The following NLRP10 variants were observed in gnomAD, a reference collection of about 807,000 sequenced individuals.
NLRP10 encodes the protein NLR family pyrin domain containing 10.
NLRP10 carries 7 observed loss-of-function variants against 8.2 expected under a neutral mutation model. That is an observed-to-expected ratio of 0.85 (90% confidence interval 0.48 to 1.60). NLRP10 has a LOEUF of 1.60. Ranked by LOEUF, NLRP10 falls within the 40% of genes most tolerant of loss-of-function variation. NLRP10 has a pLI of 0.00. For missense variants in NLRP10, 814 were observed against 776.3 expected (o/e 1.05, Z -0.58); for synonymous variants, 338 against 314.0 (o/e 1.08, Z -0.81).
At chr11:7,963,826 C>T (rs1250195713) in intron 1 of NLRP10, among the ~76,000 whole-genome samples, 1 of 151,232 alleles carries the variant, frequency 6.6e-6, no homozygotes, top group African/African-American at 2.4e-5. Flanking sequence ...CTCTCTCTCT[C>T]CCCCCACTCC....
rs750419693 is a variant in NLRP10, at chr11:7,960,013, G to GT, written c.1598_1599insA (p.Phe533LeufsTer17). The GT allele has an allele frequency of 1.2e-6, 2 of 1,614,108 alleles. No individual in the cohort carries two copies. Among genetic ancestry groups the GT allele is most frequent in the Non-Finnish European group, 1.7e-6 (2 of 1,179,978 alleles). The stretch of plus-strand genomic sequence containing the variant: ...CTAAACAGGGAGAAATTCTGAAGCA[G>GT]AACTTGAGCTCCAAGTTCGAGAAGC... On this transcript the variant is annotated frameshift_variant, in exon 3 of 3. Transcript: ENST00000691676. LOFTEE classifies it low-confidence loss of function (END_TRUNC).
chr11:7,964,661 A>T (rs1941791302), intron 1 of NLRP10, among the ~76,000 whole-genome samples: 1 of 152,246 alleles, frequency 6.6e-6, no homozygotes, highest in South Asian at 2.1e-4. Flanking sequence ...AAAAACTCAA[A>T]AGATAAAGAA....
At position 7,963,482 on chromosome 11, in the gene NLRP10, T is replaced by TTGGCCA; in HGVS notation, c.8_13dup (p.Met3_Ala4dup). ...CAATGCCTCCCGGGGCTTTCTGGCC[T>TTGGCCA]TGGCCATGGCCATGGTGATCTGGGG... On this transcript the variant is annotated inframe_insertion, in exon 2 of 3. Transcript: ENST00000691676. The TTGGCCA allele has an allele frequency of 6.2e-7, 1 of 1,612,194 alleles. No homozygotes were observed. The highest frequency in any genetic ancestry group is 2.2e-5 in the East Asian group (1 of 44,846).
Position 7,960,213 on chromosome 11 carries a change from T to C in NLRP10, c.1399A>G (p.Ile467Val). Residue 467 changes from isoleucine to valine, a missense_variant, in exon 3 of 3, where the codon ATC (isoleucine) becomes GTC (valine). Physicochemically the swap from Ile to Val is conservative, Grantham distance 29. Transcript: ENST00000691676. ...AIKKFYSFRH[I>V]SFQDFFHAMS... Reference sequence around the variant, plus strand: ...GCATGAAAAAAGTCCTGGAAGCTGATGTGGCGGAAGCTGTAGAACTTCTTG... The same window carrying C: ...GCATGAAAAAAGTCCTGGAAGCTGACGTGGCGGAAGCTGTAGAACTTCTTG... 1 of 1,614,184 alleles carries C rather than the reference T, an allele frequency of 6.2e-7. No homozygotes were observed. Among genetic ancestry groups the C allele is most frequent in the Non-Finnish European group, 8.5e-7 (1 of 1,180,036 alleles).
At position 7,961,051 on chromosome 11, in the gene NLRP10, C is replaced by G. The variant is rs1941716012; in HGVS notation, c.561G>C (p.Val187=). The part of the protein sequence containing the change: ...TGKTTLARKM[V]LDWATGTLYP... ...ACAGAGTACCGGTGGCCCAGTCCAA[C>G]ACCATTTTTCTGGCGAGAGTTGTCT... Residue 187 remains valine (V), a synonymous_variant, in exon 3 of 3, where the codon GTG becomes GTC. Coordinates refer to ENST00000691676, the MANE Select transcript of NLRP10 (RefSeq NM_001391958.1). 6.2e-7 allele frequency: 1 copy of G among 1,614,216 alleles called. No homozygotes were observed. Among genetic ancestry groups the G allele is most frequent in the Non-Finnish European group, 8.5e-7 (1 of 1,180,038 alleles).
rs370557503 is a variant in NLRP10, at chr11:7,960,384, G to A, written c.1228C>T (p.Leu410=). 3 of 1,614,096 alleles carry A rather than the reference G, an allele frequency of 1.9e-6. No homozygotes were observed. The highest frequency in any genetic ancestry group is 2.5e-6 in the Non-Finnish European group (3 of 1,180,028). Residue 410 remains leucine (L), a synonymous_variant, in exon 3 of 3, where the codon CTG becomes TTG. Coordinates refer to ENST00000691676, the MANE Select transcript of NLRP10 (RefSeq NM_001391958.1). The part of the protein sequence containing the change: ...GCSELSRHRV[L]RSLCSLAAEG... ...GCTGCTAGGGAGCACAGACTCCTCA[G>A]GACCCTGTGCCGGGAAAGCTCGGAG...
Position 7,960,855 on chromosome 11 carries a change from C to A in NLRP10, c.757G>T (p.Glu253Ter), listed in dbSNP as rs758587798. Reference sequence around the variant, plus strand: ...TTTTCTTCAAAGGGCCTCTGCAGCTCATCAAAGCCATCCAGGATGAACAGG... The same window carrying A: ...TTTTCTTCAAAGGGCCTCTGCAGCTAATCAAAGCCATCCAGGATGAACAGG... Reference protein sequence around the residue: ...RLLFILDGFDELQRPFEEKLK... With the variant: ...RLLFILDGFD Residue 253 changes from glutamate (E) to a stop codon, truncating the protein, a stop_gained, in exon 3 of 3, where the codon GAG becomes TAG. Transcript: ENST00000691676. LOFTEE classifies it low-confidence loss of function (END_TRUNC). The A allele has an allele frequency of 3.7e-6, 6 of 1,613,966 alleles. No individual in the cohort carries two copies. In the South Asian group the frequency reaches 6.6e-5, roughly 18 times the overall value.
rs1237876020 is a variant in NLRP10, at chr11:7,960,000, A to G, written c.1612T>C (p.Ser538Pro). Reference protein sequence around the residue: ...NLELKFCFRISPCLAQDLKHF... With the variant: ...NLELKFCFRIPPCLAQDLKHF... ...TTCAGATCCTGCGCTAAACAGGGAG[A>G]AATTCTGAAGCAGAACTTGAGCTCC... Residue 538 changes from serine to proline, a missense_variant, in exon 3 of 3, where the codon TCT becomes CCT. Ser to Pro is a moderately conservative substitution (Grantham distance 74). Transcript: ENST00000691676. 1 of 1,613,974 alleles carries G rather than the reference A, an allele frequency of 6.2e-7. No homozygotes were observed. The highest frequency in any genetic ancestry group is 1.3e-5 in the African/African-American group (1 of 74,912).
At position 7,957,895 on chromosome 11, in the gene NLRP10, C is replaced by T. The variant is rs1295978383; in HGVS notation, c.*1749G>A. Among the ~76,000 whole-genome samples, 2 of 152,158 alleles carry T rather than the reference C, an allele frequency of 1.3e-5. No homozygotes were observed. The highest frequency in any genetic ancestry group is 2.9e-5 in the Non-Finnish European group (2 of 68,038). The stretch of plus-strand genomic sequence containing the variant: ...ATCTCTCCCTGACTCTCCTTGAACC[C>T]CTGACAACCACTGATTTTTAATTGT... On this transcript the variant is annotated 3_prime_UTR_variant, in exon 3 of 3. Coordinates refer to ENST00000691676, the MANE Select transcript of NLRP10 (RefSeq NM_001391958.1).
intron 1 of NLRP10, among the ~76,000 whole-genome samples, chr11:7,964,152 C>T (rs1230016067): frequency 6.6e-6 from 1 of 152,158 alleles, no homozygotes; most frequent in African/African-American, 2.4e-5. Context: ...GATCTCCTGA[C>T]CTCAGGTGAT....
At position 7,965,360 on chromosome 11, in the gene NLRP10, C is replaced by T. The variant is rs912426203; in HGVS notation, c.-160G>A. On this transcript the variant is annotated 5_prime_UTR_variant, in exon 1 of 3. Transcript: ENST00000691676. ...ACGAAACAGATCCCCTTTCCTGGTC[C>T]GACAGCTCTACAGGTCCAAGTTTGG... The T allele has an allele frequency of 3.3e-5, 5 of 152,134 alleles. No homozygotes were observed. Among genetic ancestry groups the T allele is most frequent in the African/African-American group, 7.2e-5 (3 of 41,416 alleles). The allele number at this position is 152,134 out of a possible 1,614,324, so 9.4% of individuals were successfully genotyped here.
Position 7,961,156 on chromosome 11 carries a change from CA to C in NLRP10, c.455del (p.Val152GlyfsTer17). On this transcript the variant is annotated frameshift_variant, in exon 3 of 3. Transcript: ENST00000691676. LOFTEE classifies it low-confidence loss of function (END_TRUNC). ...FPEQELESVT[V>X]EALFDSGEKP... ...TTTCCCCTGAATCAAATAGAGCCTC[CA>C]CCGTGACAGACTCCAGCTCCTGCTC... 1 of 1,614,052 alleles carries C rather than the reference CA, an allele frequency of 6.2e-7. No individual in the cohort carries two copies. The highest frequency in any genetic ancestry group is 8.5e-7 in the Non-Finnish European group (1 of 1,179,988).
Position 7,963,476 on chromosome 11 carries a change from C to G in NLRP10, c.20G>C (p.Arg7Thr). Reference sequence around the variant, plus strand: ...CCAGAGCAATGCCTCCCGGGGCTTTCTGGCCTTGGCCATGGCCATGGTGAT... The same window carrying G: ...CCAGAGCAATGCCTCCCGGGGCTTTGTGGCCTTGGCCATGGCCATGGTGAT... MAMAKARKPREALLWAL... is the reference protein window; with the variant it reads MAMAKATKPREALLWAL... Residue 7 changes from arginine (R) to threonine (T), a missense_variant, in exon 2 of 3, where the codon AGA (arginine) becomes ACA (threonine). Physicochemically the swap from Arg to Thr is moderately conservative, Grantham distance 71 (BLOSUM62 -1). Transcript: ENST00000691676. The G allele has an allele frequency of 6.2e-7, 1 of 1,612,640 alleles. No individual in the cohort carries two copies. Among genetic ancestry groups the G allele is most frequent in the African/African-American group, 1.3e-5 (1 of 75,004 alleles).
rs768045821 is a variant in NLRP10 at position 7,961,066 on chromosome 11, G to A, written c.546C>T (p.Leu182=). ...CCCAGTCCAACACCATTTTTCTGGC[G>A]AGAGTTGTCTTTCCAGTGCCAGCCG... ...QGSAGTGKTT[L]ARKMVLDWAT... Residue 182 remains leucine, a synonymous_variant, in exon 3 of 3, where the codon CTC becomes CTT. Coordinates refer to ENST00000691676, the MANE Select transcript of NLRP10 (RefSeq NM_001391958.1). The A allele has an allele frequency of 4.8e-5, 78 of 1,614,034 alleles. No individual in the cohort carries two copies. Among genetic ancestry groups the A allele is most frequent in the South Asian group, 2.2e-4 (20 of 91,078 alleles).
rs571474681 is a variant in NLRP10 at position 7,957,735 on chromosome 11, C to T, written c.*1909G>A. 6.6e-6 allele frequency among the ~76,000 whole-genome samples: 1 copy of T among 152,210 alleles called. No individual in the cohort carries two copies. Among genetic ancestry groups the T allele is most frequent in the South Asian group, 2.1e-4 (1 of 4,828 alleles). On this transcript the variant is annotated 3_prime_UTR_variant, in exon 3 of 3. Transcript: ENST00000691676. The stretch of plus-strand genomic sequence containing the variant: ...TGATACACTATTATTAACTACAAGG[C>T]ACAGTTTACATTAGGATTCACTCTT...
In NLRP10 at chr11:7,958,891, T is replaced by C. The variant is rs1444418578; in HGVS notation, c.*753A>G. On this transcript the variant is annotated 3_prime_UTR_variant, in exon 3 of 3. Transcript: ENST00000691676. The stretch of plus-strand genomic sequence containing the variant: ...TTTTTTACCCAAGTCTTTTATCAGA[T>C]ATGTGTTTGCAAATATTTTCTCCCA... Among the ~76,000 whole-genome samples the C allele has an allele frequency of 6.6e-6, 1 of 152,160 alleles. No homozygotes were observed. Among genetic ancestry groups the C allele is most frequent in the Non-Finnish European group, 1.5e-5 (1 of 68,036 alleles).
In NLRP10 at chr11:7,959,929, C is replaced by G. The variant is rs753628077; in HGVS notation, c.1683G>C (p.Trp561Cys). Residue 561 changes from tryptophan (W) to cysteine (C), a missense_variant, in exon 3 of 3, where the codon TGG (tryptophan) becomes TGC (cysteine). Transcript: ENST00000691676. ...QMESMKHNRT[W>C]DLEFSLYEAK... ...CTTCATACAGGGAGAATTCCAAATC[C>G]CAGGTCCTGTTGTGCTTCATAGATT... 4.3e-6 allele frequency: 7 copies of G among 1,614,072 alleles called. No homozygotes were observed. The highest frequency in any genetic ancestry group is 5.9e-6 in the Non-Finnish European group (7 of 1,180,008).
chr11:7,959,845 T>C lies in NLRP10; in HGVS notation c.1767A>G (p.Lys589=), dbSNP rs1190292898. ...TCTGTGATTTCTTTTCATTTGAATG[T>C]TTTATCTTGAATGATACATTGTTCA... ...IQMNNVSFKI[K]HSNEKKSQSQ... Residue 589 remains lysine (K), a synonymous_variant, in exon 3 of 3, where the codon AAA becomes AAG. Coordinates refer to ENST00000691676, the MANE Select transcript of NLRP10 (RefSeq NM_001391958.1). 6.2e-7 allele frequency: 1 copy of C among 1,613,738 alleles called. No homozygotes were observed.
Position 7,961,131 on chromosome 11 carries a change from T to C in NLRP10, c.481A>G (p.Lys161Glu), listed in dbSNP as rs201055526. Residue 161 changes from lysine (K) to glutamate (E), a missense_variant, in exon 3 of 3, where the codon AAG becomes GAG. Transcript: ENST00000691676. Reference protein sequence around the residue: ...TVEALFDSGEKPSLAPSLVVL... With the variant: ...TVEALFDSGEEPSLAPSLVVL... ...ACTAAGGATGGGGCCAGTGAGGGCTTTTCCCCTGAATCAAATAGAGCCTCC... is the reference window on the plus strand; with the variant it reads ...ACTAAGGATGGGGCCAGTGAGGGCTCTTCCCCTGAATCAAATAGAGCCTCC... 4.3e-6 allele frequency: 7 copies of C among 1,614,026 alleles called. No homozygotes were observed. The Admixed American group carries it at 1.2e-4, about 27-fold the overall frequency.
Sources: gnomAD v4.1 joint callset for allele counts (sites outside exome capture counted in the v4.1 genomes callset) on GRCh38, gnomAD v4.1.1 for gene constraint, MANE v1.5 for transcripts, NCBI Gene and HGNC (gene_info 2026-07-23, HGNC 2026-07-21) for gene names.